The following SCML2 variants were observed in gnomAD, a reference collection of about 807,000 sequenced individuals.
SCML2 encodes Scm polycomb group protein like 2, also known as sex comb on midleg-like protein 2.
A neutral mutation model predicts 48.4 loss-of-function variants in SCML2; 6 were observed. The ratio of observed to expected loss-of-function variants is 0.12; its 90% CI spans 0.07 to 0.24. SCML2 has a LOEUF of 0.24. SCML2 is among the 10% of genes least tolerant of loss of function. The pLI is 1.00. For missense variants in SCML2, 377 were observed against 528.2 expected (o/e 0.71, Z 2.81); for synonymous variants, 181 against 189.5 (o/e 0.95, Z 0.37).
chrX:18,336,094 G>T (rs1336521901), intron 1 of SCML2, among the ~76,000 whole-genome samples: 1 of 111,839 alleles, frequency 8.9e-6, no homozygotes, highest in Non-Finnish European at 1.9e-5. Context: ...TTGGTCAATT[G>T]ATTTTCAACT....
chrX:18,340,628 G>T (rs1877097704), intron 1 of SCML2, among the ~76,000 whole-genome samples: 1 of 109,382 alleles, frequency 9.1e-6, no homozygotes, highest in Non-Finnish European at 1.9e-5. Context: ...TGGCCAACAT[G>T]GTGAAACCCC....
intron 7 of SCML2, among the ~76,000 whole-genome samples, chrX:18,274,685 C>T (rs1289623498): frequency 4.5e-5 from 5 of 111,287 alleles, no homozygotes; most frequent in Non-Finnish European, 7.5e-5. Flanking sequence ...ATAGATTCTG[C>T]CATAATCATC....
intron 1 of SCML2, chrX:18,341,316 T>A: frequency 2.2e-6 from 1 of 451,471 alleles, no homozygotes; most frequent in Non-Finnish European, 3.7e-6. Context: ...AAAGAGGCCA[T>A]TGAGCAGGAG....
At position 18,348,699 on chromosome X, in the gene SCML2, T is replaced by C. The variant is rs193192721; in HGVS notation, c.-25+5893A>G. On this transcript the variant is annotated intron_variant, in intron 1 of 14. Transcript: ENST00000251900. Reference sequence around the variant, plus strand: ...TAGTTAAAAATTAATACTGACTATATTGCTTTTCAAATAACATTAAAGAGA... The same window carrying C: ...TAGTTAAAAATTAATACTGACTATACTGCTTTTCAAATAACATTAAAGAGA... Among the ~76,000 whole-genome samples, 571 of 111,954 alleles carry C rather than the reference T, an allele frequency of 5.1e-3. 3 individuals carry two copies. The highest frequency in any genetic ancestry group is 0.018 in the African/African-American group (556 of 30,863).
intron 3 of SCML2, among the ~76,000 whole-genome samples, chrX:18,327,448 G>A (rs1273819972): frequency 8.9e-6 from 1 of 111,895 alleles, no homozygotes; most frequent in Non-Finnish European, 1.9e-5. Flanking sequence ...TGACACCCTG[G>A]AGGAAAATAG....
intron 5 of SCML2, among the ~76,000 whole-genome samples, chrX:18,321,102 T>C (rs1929302705): frequency 9.0e-6 from 1 of 111,424 alleles, no homozygotes; most frequent in Admixed American, 9.6e-5. Context: ...AAACTGGACA[T>C]GGGGGTACTC....
chrX:18,245,568 T>C (rs1356119009), intron 13 of SCML2, among the ~76,000 whole-genome samples: 1 of 111,451 alleles, frequency 9.0e-6, no homozygotes, highest in Non-Finnish European at 1.9e-5. Flanking sequence ...ACACCCATGA[T>C]CAAAGGCAAG....
intron 7 of SCML2, among the ~76,000 whole-genome samples, chrX:18,272,341 A>T (rs1459466617): frequency 8.9e-6 from 1 of 112,234 alleles, no homozygotes; most frequent in Non-Finnish European, 1.9e-5. Context: ...TCAAAGGCTG[A>T]GGAAAACTCT....
chrX:18,276,593 C>T (rs114143967), intron 7 of SCML2, among the ~76,000 whole-genome samples: 4,518 of 111,733 alleles, frequency 0.04, 225 homozygotes, highest in African/African-American at 0.14. Context: ...TGTCCATCAA[C>T]GGAGAAATGG....
chrX:18,305,418 G>A (rs1386057027), intron 6 of SCML2, among the ~76,000 whole-genome samples: 8 of 111,442 alleles, frequency 7.2e-5, no homozygotes, highest in South Asian at 3.8e-4. Context: ...TTTCTCTGGA[G>A]CAGAGTCAAG....
chrX:18,277,362 T>A (rs969978533), intron 7 of SCML2, among the ~76,000 whole-genome samples: 2 of 112,435 alleles, frequency 1.8e-5, no homozygotes, highest in African/African-American at 6.5e-5. Context: ...TGAGCCACCA[T>A]GCCAGGTCCA....
chrX:18,265,057 C>A (rs776352684), intron 8 of SCML2, among the ~76,000 whole-genome samples: 26 of 112,093 alleles, frequency 2.3e-4, no homozygotes, highest in Admixed American at 4.7e-4. Context: ...CTTAAAACCA[C>A]AACAATGGAA....
intron 10 of SCML2, among the ~76,000 whole-genome samples, chrX:18,257,615 C>T (rs983820259): frequency 5.4e-5 from 6 of 110,123 alleles, no homozygotes; most frequent in Non-Finnish European, 9.5e-5. Flanking sequence ...AGGCTAGGTG[C>T]GGTGGCTCAC....
At chrX:18,282,531 G>C (rs1043592946) in intron 7 of SCML2, among the ~76,000 whole-genome samples, 1 of 111,023 alleles carries the variant, frequency 9.0e-6, no homozygotes, top group Non-Finnish European at 1.9e-5. Flanking sequence ...CCAGCTACTT[G>C]TGGGGCTGAG....
intron 6 of SCML2, among the ~76,000 whole-genome samples, chrX:18,315,652 CA>C (rs1473426116): frequency 3.6e-5 from 4 of 111,463 alleles, no homozygotes; most frequent in Non-Finnish European, 5.6e-5. Flanking sequence ...CTCTGAAAAC[CA>C]CAACCTCACA....
intron 9 of SCML2, among the ~76,000 whole-genome samples, chrX:18,259,469 A>G (rs1194535474): frequency 1.8e-5 from 2 of 111,953 alleles, no homozygotes; most frequent in African/African-American, 6.5e-5. Flanking sequence ...TTGTGGCAAC[A>G]GCCAGAGGAA....
At chrX:18,308,824 G>GAT (rs1330106063) in intron 6 of SCML2, among the ~76,000 whole-genome samples, 2 of 111,563 alleles carry the variant, frequency 1.8e-5, no homozygotes, top group Non-Finnish European at 3.8e-5. Flanking sequence ...TCCATGAACA[G>GAT]ATACTTCTCA....
chrX:18,252,959 A>T (rs1926716962), intron 11 of SCML2, among the ~76,000 whole-genome samples: 1 of 111,936 alleles, frequency 8.9e-6, no homozygotes, highest in Admixed American at 9.5e-5. Context: ...CAGTCTCATG[A>T]TGCTTAAGAA....
intron 7 of SCML2, among the ~76,000 whole-genome samples, chrX:18,297,974 ACTCCACC>A (rs1252781003): frequency 9.0e-6 from 1 of 111,281 alleles, no homozygotes; most frequent in Non-Finnish European, 1.9e-5. Flanking sequence ...ATGCCACTGC[ACTCCACC>A]CTGGGTGACA....
Sources: gnomAD v4.1 joint callset for allele counts (sites outside exome capture counted in the v4.1 genomes callset) on GRCh38, gnomAD v4.1.1 for gene constraint, MANE v1.5 for transcripts, NCBI Gene and HGNC (gene_info 2026-07-23, HGNC 2026-07-21) for gene names.